Variants in OSBPL10 observed in about 807,000 individuals in gnomAD.
The protein encoded by OSBPL10 is oxysterol binding protein like 10.
Under a neutral mutation model 81.7 loss-of-function variants are expected in OSBPL10, and 49 were observed. The ratio of observed to expected loss-of-function variants is 0.60; its 90% confidence interval spans 0.48 to 0.76. OSBPL10 has a LOEUF of 0.76. Among genes scored for constraint, OSBPL10 ranks in the 30% least tolerant of loss-of-function variants. The probability of loss-of-function intolerance (pLI) is 0.00; values close to 1 mark genes in which losing one functional copy is unlikely to be tolerated. For missense variants in OSBPL10, 923 were observed against 987.8 expected, an observed-to-expected ratio of 0.93 and a Z score of 0.88; for synonymous variants, 419 against 383.6, an observed-to-expected ratio of 1.09 and a Z score of -1.08.
chr3:31,835,787 A>G (rs1700348984), intron 3 of OSBPL10, among the ~76,000 whole-genome samples: 1 of 152,238 alleles, frequency 6.6e-6, no homozygotes, highest in African/African-American at 2.4e-5. Flanking sequence ...AATATGTGAA[A>G]GCTAAGGATA....
At chr3:31,833,374 T>TA (rs761361602) in intron 3 of OSBPL10, among the ~76,000 whole-genome samples, 92 of 152,214 alleles carry the variant, frequency 6.0e-4, no homozygotes, top group Non-Finnish European at 1.1e-3. Flanking sequence ...TCCTAATCTT[T>TA]AAAAAGAGAA....
intron 3 of OSBPL10, among the ~76,000 whole-genome samples, chr3:31,836,696 C>G (rs1296574802): frequency 1.3e-5 from 2 of 152,128 alleles, no homozygotes; most frequent in African/African-American, 4.8e-5. Context: ...TCGCACACCA[C>G]CCTTTTTTCT....
intron 2 of OSBPL10, among the ~76,000 whole-genome samples, chr3:32,001,431 A>G (rs1699146254): frequency 2.0e-5 from 3 of 152,274 alleles, no homozygotes; most frequent in South Asian, 4.1e-4. Context: ...TACATCTATT[A>G]TTGCTCTCAT....
chr3:31,887,527 G>A (rs1267273630), intron 1 of OSBPL10, among the ~76,000 whole-genome samples: 3 of 152,170 alleles, frequency 2.0e-5, no homozygotes, highest in African/African-American at 2.4e-5. Flanking sequence ...AATCATTGCG[G>A]TGAAGGAAAG....
chr3:31,831,797 C>T (rs1409242022), intron 3 of OSBPL10, among the ~76,000 whole-genome samples: 1 of 152,146 alleles, frequency 6.6e-6, no homozygotes, highest in African/African-American at 2.4e-5. Flanking sequence ...GGTGGCAAAA[C>T]CCTGAGAACA....
chr3:31,781,924 A>G (rs534979117), intron 4 of OSBPL10, among the ~76,000 whole-genome samples: 3 of 152,302 alleles, frequency 2.0e-5, no homozygotes, highest in Non-Finnish European at 2.9e-5. Flanking sequence ...TCAAAATACC[A>G]TCATAATTCT....
At chr3:31,663,979 G>A (rs752243234) in intron 11 of OSBPL10, 100 bp downstream of exon 11, 2 of 1,612,516 alleles carry the variant, frequency 1.2e-6, no homozygotes, top group African/African-American at 1.3e-5. Flanking sequence ...CCCCTGCCTG[G>A]TATTTATCCA....
chr3:31,697,018 A>G (rs950316288), intron 7 of OSBPL10, among the ~76,000 whole-genome samples: 1 of 152,170 alleles, frequency 6.6e-6, no homozygotes, highest in Admixed American at 6.5e-5. Flanking sequence ...ATGACTTCCA[A>G]TGAACCACAC....
At chr3:31,732,520 T>C (rs1402830884) in intron 6 of OSBPL10, 1 of 152,222 alleles carries the variant, frequency 6.6e-6, no homozygotes, top group Non-Finnish European at 1.5e-5. Context: ...TTCAAGAGAC[T>C]ATATCAAGAC....
intron 2 of OSBPL10, among the ~76,000 whole-genome samples, chr3:32,000,643 G>A (rs1457687195): frequency 2.0e-5 from 3 of 152,180 alleles, no homozygotes; most frequent in Admixed American, 6.5e-5. Context: ...TCCTCGTGAC[G>A]GTTGTTCCTC....
intron 7 of OSBPL10, among the ~76,000 whole-genome samples, chr3:31,698,411 A>G (rs1268607557): frequency 1.3e-5 from 2 of 152,120 alleles, no homozygotes; most frequent in African/African-American, 2.4e-5. Flanking sequence ...AGATGGCACC[A>G]TTGTACTCCA....
At chr3:31,873,459 C>T (rs947609483) in intron 3 of OSBPL10, among the ~76,000 whole-genome samples, 2 of 152,160 alleles carry the variant, frequency 1.3e-5, no homozygotes, top group African/African-American at 4.8e-5. Flanking sequence ...GCTGGGTCAT[C>T]CTTAAAGCCT....
chr3:31,754,610 C>T (rs1384311285), intron 4 of OSBPL10, among the ~76,000 whole-genome samples: 7 of 152,090 alleles, frequency 4.6e-5, no homozygotes, highest in Non-Finnish European at 2.9e-5. Context: ...ACCACTAGGT[C>T]GTCAATGAGC....
intron 2 of OSBPL10, among the ~76,000 whole-genome samples, chr3:32,023,433 T>TA (rs1252032225): frequency 6.6e-6 from 1 of 152,180 alleles, no homozygotes; most frequent in African/African-American, 2.4e-5. Flanking sequence ...GTGAGTCCAT[T>TA]AAACCTCTTT....
At position 31,661,969 on chromosome 3, in the gene OSBPL10, T is replaced by C; in HGVS notation, c.*103A>G. The C allele has an allele frequency of 6.8e-7, 1 of 1,473,770 alleles. No homozygotes were observed. Among genetic ancestry groups the C allele is most frequent in the Non-Finnish European group, 9.2e-7 (1 of 1,082,222 alleles). 91.3% of individuals were successfully genotyped at this position (1,473,770 alleles called of 1,614,324 possible). A position where few individuals can be genotyped will look rare whatever the true frequency, so the allele number is the denominator to read the frequency against. On this transcript the variant is annotated 3_prime_UTR_variant, in exon 12 of 12. Transcript: ENST00000396556. ...CTCTCTCTCATCATTTCTTGGATGC[T>C]AATACAAGGTCTCAGTGAATGCCAA... is the stretch of plus-strand genomic sequence containing the variant.
At chr3:31,871,191 T>C (rs940870044) in intron 3 of OSBPL10, among the ~76,000 whole-genome samples, 1 of 152,176 alleles carries the variant, frequency 6.6e-6, no homozygotes, top group Non-Finnish European at 1.5e-5. Flanking sequence ...GCTCACTCTT[T>C]GGGTCCACAC....
chr3:31,707,450 T>C (rs935304829), intron 6 of OSBPL10: 2 of 152,208 alleles, frequency 1.3e-5, no homozygotes, highest in African/African-American at 4.8e-5. Flanking sequence ...AGCAAGCATA[T>C]TGCAGTTCAA....
At position 32,007,713 on chromosome 3, in the gene OSBPL10, C is replaced by CT. The variant is rs974920402; in HGVS notation, n.298+38777dup. Among the ~76,000 whole-genome samples, 91 of 149,720 alleles carry CT rather than the reference C, an allele frequency of 6.1e-4. No homozygotes were observed. In the East Asian group the frequency reaches 9.5e-3, roughly 16 times the overall value. ...TGATCTCCCCTTCTCAAAATTCTTT[C>CT]TTTTTTTTTTGAGACAGAGTTTTGC... On this transcript the variant is annotated intron_variant and non_coding_transcript_variant, in intron 2 of 3. Transcript: ENST00000479173.
chr3:31,884,448 A>C (rs576874842), intron 1 of OSBPL10, among the ~76,000 whole-genome samples: 1 of 152,362 alleles, frequency 6.6e-6, no homozygotes, highest in Admixed American at 6.5e-5. Flanking sequence ...CAACAGACTC[A>C]ACAAGTGTTC....
Sources: allele counts gnomAD v4.1 joint callset (sites outside exome capture counted in the v4.1 genomes callset), GRCh38; gene constraint gnomAD v4.1.1; transcripts MANE v1.5; gene names NCBI Gene and HGNC (gene_info 2026-07-23, HGNC 2026-07-21).